Variants in DENND5B observed in about 807,000 individuals in gnomAD.
The protein encoded by DENND5B is DENN domain containing 5B.
DENND5B carries 34 observed loss-of-function variants against 140.6 expected under a neutral mutation model. The ratio of observed to expected loss-of-function variants is 0.24; its 90% CI spans 0.18 to 0.32. The LOEUF (loss-of-function observed/expected upper bound fraction) is 0.32. DENND5B is among the 10% of genes least tolerant of loss of function. The probability of loss-of-function intolerance (pLI) is 1.00; values close to 1 mark genes in which losing one functional copy is unlikely to be tolerated. For missense variants in DENND5B, 1,142 were observed against 1,560.2 expected (o/e 0.73, Z 4.52); for synonymous variants, 551 against 562.1 (o/e 0.98, Z 0.28).
At chr12:31,518,228 G>C (rs190138842) in intron 1 of DENND5B, among the ~76,000 whole-genome samples, 104 of 152,244 alleles carry the variant, frequency 6.8e-4, no homozygotes, top group African/African-American at 2.4e-3. Flanking sequence ...AAATATTTTA[G>C]GAAATAACAC....
At chr12:31,472,136 C>T (rs981328299) in intron 3 of DENND5B, among the ~76,000 whole-genome samples, 2 of 152,146 alleles carry the variant, frequency 1.3e-5, no homozygotes, top group South Asian at 2.1e-4. Context: ...TCTAACATTA[C>T]GAGAAGCCTT....
intron 17 of DENND5B, among the ~76,000 whole-genome samples, chr12:31,393,669 A>G (rs1410057070): frequency 6.6e-6 from 1 of 152,160 alleles, no homozygotes; most frequent in Non-Finnish European, 1.5e-5. Flanking sequence ...CATACTGCTC[A>G]AGGATTTCTT....
chr12:31,406,047 A>G (rs1398674792), intron 14 of DENND5B, among the ~76,000 whole-genome samples: 2 of 150,496 alleles, frequency 1.3e-5, no homozygotes, highest in Non-Finnish European at 3.0e-5. Context: ...GGGTTTCCCC[A>G]TGTTGGCCAG....
intron 3 of DENND5B, among the ~76,000 whole-genome samples, chr12:31,462,785 C>T (rs1319490670): frequency 3.9e-5 from 6 of 152,052 alleles, no homozygotes; most frequent in Non-Finnish European, 7.4e-5. Context: ...ATGGTGAAAC[C>T]CCATTTCTAC....
At chr12:31,402,421 A>AT in intron 15 of DENND5B, 77 bp downstream of exon 15, 1 of 1,494,992 alleles carries the variant, frequency 6.7e-7, no homozygotes, top group Non-Finnish European at 8.9e-7. Context: ...TTCAAGGAAA[A>AT]ATGAAAAAGC....
intron 7 of DENND5B, among the ~76,000 whole-genome samples, chr12:31,440,310 A>T (rs1338610641): frequency 6.6e-6 from 1 of 152,184 alleles, no homozygotes; most frequent in East Asian, 1.9e-4. Flanking sequence ...TCAGCCTCCC[A>T]GTAGGTAGTA....
chr12:31,442,950 T>TA, intron 6 of DENND5B, 25 bp from the exon 7 acceptor site: 4 of 1,541,592 alleles, frequency 2.6e-6, no homozygotes, highest in Non-Finnish European at 3.5e-6. Flanking sequence ...TATAATAAAT[T>TA]AGAGACATTT....
intron 1 of DENND5B, among the ~76,000 whole-genome samples, chr12:31,587,096 T>C (rs918954490): frequency 6.6e-6 from 1 of 152,176 alleles, no homozygotes; most frequent in Non-Finnish European, 1.5e-5. Flanking sequence ...CATGCTAGAA[T>C]GGCCCCAGGG....
intron 2 of DENND5B, among the ~76,000 whole-genome samples, chr12:31,492,554 T>C (rs1355247486): frequency 1.3e-5 from 2 of 152,216 alleles, no homozygotes; most frequent in Non-Finnish European, 1.5e-5. Context: ...GGCTAGAACC[T>C]CACTTTGAAT....
At chr12:31,411,185 T>C (rs1388780028) in intron 13 of DENND5B, among the ~76,000 whole-genome samples, 1 of 151,804 alleles carries the variant, frequency 6.6e-6, no homozygotes, top group African/African-American at 2.4e-5. Context: ...ATTACAGGCA[T>C]GTGCCACCAC....
intron 1 of DENND5B, among the ~76,000 whole-genome samples, chr12:31,563,580 T>C (rs1224581751): frequency 6.6e-6 from 1 of 152,168 alleles, no homozygotes; most frequent in Non-Finnish European, 1.5e-5. Context: ...CTTACGAACT[T>C]TGAGTTTGTA....
At chr12:31,507,971 T>C (rs1030728974) in intron 1 of DENND5B, among the ~76,000 whole-genome samples, 5 of 152,208 alleles carry the variant, frequency 3.3e-5, no homozygotes, top group African/African-American at 7.2e-5. Flanking sequence ...ATTTATCCAA[T>C]GTATTTCTGG....
intron 2 of DENND5B, among the ~76,000 whole-genome samples, chr12:31,491,903 T>C (rs573554224): frequency 6.6e-6 from 1 of 152,346 alleles, no homozygotes; most frequent in African/African-American, 2.4e-5. Flanking sequence ...GAATGACTAA[T>C]ATTACAGAAG....
rs766138158 is a variant in DENND5B at position 31,387,797 on chromosome 12, A to G, written c.3642-11T>C. 8.7e-6 allele frequency: 14 copies of G among 1,608,748 alleles called. No homozygotes were observed. In the East Asian group the frequency reaches 2.9e-4, roughly 33 times the overall value. ...GGGAGCAGGCGATCCCTACAGACCC[A>G]AACAGAAACAATTCCTGAGCATTGC... On this transcript the variant is annotated splice_polypyrimidine_tract_variant and intron_variant, in intron 20 of 20. Coordinates refer to ENST00000389082, the MANE Select transcript of DENND5B (RefSeq NM_144973.4).
chr12:31,513,765 C>T (rs1245547866), intron 1 of DENND5B, among the ~76,000 whole-genome samples: 1 of 152,020 alleles, frequency 6.6e-6, no homozygotes, highest in Admixed American at 6.6e-5. Context: ...GGACCCCCTG[C>T]TCCTTTAATT....
intron 3 of DENND5B, among the ~76,000 whole-genome samples, chr12:31,467,082 T>C (rs2138351273): frequency 6.6e-6 from 1 of 151,974 alleles, no homozygotes; most frequent in East Asian, 1.9e-4. Flanking sequence ...AAAAAACTTT[T>C]AACATATAAT....
At chr12:31,500,309 T>C (rs564953868) in intron 1 of DENND5B, 3 of 447,268 alleles carry the variant, frequency 6.7e-6, no homozygotes, top group South Asian at 4.8e-5. Context: ...TTTTGGAGTA[T>C]TCTGGATCTC....
At chr12:31,480,995 A>G (rs1263182769) in intron 2 of DENND5B, among the ~76,000 whole-genome samples, 4 of 152,216 alleles carry the variant, frequency 2.6e-5, no homozygotes, top group African/African-American at 9.6e-5. Flanking sequence ...TAAGACACTT[A>G]AAATGCACAG....
intron 1 of DENND5B, among the ~76,000 whole-genome samples, chr12:31,532,599 G>A (rs1244425607): frequency 6.6e-6 from 1 of 152,114 alleles, no homozygotes; most frequent in African/African-American, 2.4e-5. Flanking sequence ...ATAGGGAGGT[G>A]GGAGAATGAT....
Sources: allele counts gnomAD v4.1 joint callset (sites outside exome capture counted in the v4.1 genomes callset), GRCh38; gene constraint gnomAD v4.1.1; transcripts MANE v1.5; gene names NCBI Gene and HGNC (gene_info 2026-07-23, HGNC 2026-07-21).